Variants in TANK observed in about 807,000 individuals in gnomAD.
The protein encoded by TANK is TRAF family member-associated NF-kappa-B activator.
A neutral mutation model predicts 43.6 loss-of-function variants in TANK; 15 were observed. The ratio of observed to expected loss-of-function variants is 0.34; its 90% CI spans 0.23 to 0.53. The LOEUF (loss-of-function observed/expected upper bound fraction) is 0.53, where lower values mean the gene tolerates loss of function less well. Ranked by LOEUF, TANK falls within the 20% of genes least tolerant of loss-of-function variation. The probability of loss-of-function intolerance (pLI) is 0.94; values close to 1 mark genes in which losing one functional copy is unlikely to be tolerated. For missense variants in TANK, 417 were observed against 498.6 expected (o/e 0.84, Z 1.56); for synonymous variants, 162 against 178.2 (o/e 0.91, Z 0.73).
chr2:161,145,943 T>C (rs1219665733), intron 1 of TANK, among the ~76,000 whole-genome samples: 1 of 152,180 alleles, frequency 6.6e-6, no homozygotes, highest in African/African-American at 2.4e-5. Flanking sequence ...ATTCTCCCTG[T>C]CTTTTTCAGG....
At chr2:161,137,619 C>T (rs1291376178) in intron 1 of TANK, among the ~76,000 whole-genome samples, 1 of 152,020 alleles carries the variant, frequency 6.6e-6, no homozygotes, top group African/African-American at 2.4e-5. Context: ...AAAATGTATT[C>T]ATACTTTTTT....
chr2:161,200,264 G>T lies in TANK; in HGVS notation c.100-3223G>T, dbSNP rs187792174. 7 of 715,132 alleles carry T rather than the reference G, an allele frequency of 9.8e-6. No individual in the cohort carries two copies. The East Asian group carries it at 9.3e-4, about 95-fold the overall frequency. 44.3% of individuals were successfully genotyped at this position (715,132 alleles called of 1,614,324 possible). On this transcript the variant is annotated intron_variant, in intron 2 of 7. Transcript: ENST00000392749. ...GTTAGTGAGTTTTCTGTTTCGTGGG[G>T]TCTTTGATAGTGCTAGAATGTACTT...
At chr2:161,178,389 G>A (rs1033770769) in intron 1 of TANK, among the ~76,000 whole-genome samples, 6 of 151,478 alleles carry the variant, frequency 4.0e-5, no homozygotes, top group Non-Finnish European at 8.8e-5. Context: ...CTTTCTGAAA[G>A]AAGCCAGACA....
At chr2:161,208,941 T>C (rs1220700410) in intron 4 of TANK, among the ~76,000 whole-genome samples, 1 of 152,170 alleles carries the variant, frequency 6.6e-6, no homozygotes, top group Non-Finnish European at 1.5e-5. Flanking sequence ...TTCATAGATA[T>C]ATTTTAAAAG....
intron 1 of TANK, among the ~76,000 whole-genome samples, chr2:161,145,038 T>G (rs1683865003): frequency 6.6e-6 from 1 of 152,064 alleles, no homozygotes; most frequent in African/African-American, 2.4e-5. Flanking sequence ...ATTGATCCCT[T>G]TACCATTATG....
At chr2:161,141,983 TC>T (rs1241976213) in intron 1 of TANK, among the ~76,000 whole-genome samples, 1 of 152,102 alleles carries the variant, frequency 6.6e-6, no homozygotes, top group Non-Finnish European at 1.5e-5. Context: ...CAAAGCCTCG[TC>T]AGCATCTATT....
At chr2:161,183,754 A>G (rs1685533621) in intron 2 of TANK, among the ~76,000 whole-genome samples, 1 of 152,122 alleles carries the variant, frequency 6.6e-6, no homozygotes, top group Non-Finnish European at 1.5e-5. Flanking sequence ...GATTTATTTA[A>G]GAAACATTTA....
chr2:161,224,716 AGCAAACTTAATATACCAGACACT>A lies in TANK; in HGVS notation c.495_517del (p.Lys165AsnfsTer2), dbSNP rs1210231277. 3 of 1,578,992 alleles carry A rather than the reference AGCAAACTTAATATACCAGACACT, an allele frequency of 1.9e-6. No homozygotes were observed. Among genetic ancestry groups the A allele is most frequent in the Non-Finnish European group, 2.6e-6 (3 of 1,161,960 alleles). On this transcript the variant is annotated frameshift_variant, in exon 6 of 8. Coordinates refer to ENST00000392749, the MANE Select transcript of TANK (RefSeq NM_001199135.3). LOFTEE classifies it high-confidence loss of function. ...AGCAAAAGCACAGAAAGACCACTTA[AGCAAACTTAATATACCAGACACT>A]GCAACTGGTAAGATTTAATTTAATT...
chr2:161,216,186 C>T (rs1687107872), intron 4 of TANK, among the ~76,000 whole-genome samples: 1 of 152,108 alleles, frequency 6.6e-6, no homozygotes, highest in African/African-American at 2.4e-5. Flanking sequence ...GACTATTTAA[C>T]ATTAAAGACA....
intron 1 of TANK, among the ~76,000 whole-genome samples, chr2:161,179,326 T>C (rs1685314826): frequency 6.6e-6 from 1 of 152,192 alleles, no homozygotes; most frequent in African/African-American, 2.4e-5. Context: ...AATGGCCTTT[T>C]ATATTTTCTC....
intron 1 of TANK, among the ~76,000 whole-genome samples, chr2:161,176,588 C>G (rs1685183859): frequency 6.6e-6 from 1 of 152,096 alleles, no homozygotes; most frequent in Admixed American, 6.6e-5. Context: ...TTTTTAAAAA[C>G]AAGAATGCAC....
chr2:161,234,407 A>G (rs1351995644), intron 7 of TANK, among the ~76,000 whole-genome samples: 1 of 152,250 alleles, frequency 6.6e-6, no homozygotes, highest in African/African-American at 2.4e-5. Flanking sequence ...CTGTGTCCAC[A>G]TAAGAAATTT....
chr2:161,219,629 T>G, intron 4 of TANK: 1 of 363,474 alleles, frequency 2.8e-6, no homozygotes. Flanking sequence ...ATGTTTATTC[T>G]TATCAAATAT....
intron 6 of TANK, among the ~76,000 whole-genome samples, chr2:161,226,267 CA>C (rs1470565242): frequency 3.3e-5 from 5 of 152,128 alleles, no homozygotes; most frequent in Non-Finnish European, 7.4e-5. Flanking sequence ...TATTTAACTT[CA>C]ATTTCTTCTC....
intron 1 of TANK, among the ~76,000 whole-genome samples, chr2:161,172,341 G>A (rs1225095074): frequency 7.6e-6 from 1 of 131,346 alleles, no homozygotes; most frequent in African/African-American, 2.9e-5. Context: ...TTTCAAAAAT[G>A]TAGTTTTTTT....
intron 1 of TANK, among the ~76,000 whole-genome samples, chr2:161,173,946 A>G (rs1573983161): frequency 6.6e-6 from 1 of 152,296 alleles, no homozygotes; most frequent in East Asian, 1.9e-4. Flanking sequence ...AAAAGGTGAA[A>G]GGGAAAACTT....
intron 1 of TANK, chr2:161,161,376 CT>C: frequency 6.4e-7 from 1 of 1,550,780 alleles, no homozygotes; most frequent in Non-Finnish European, 8.7e-7. Flanking sequence ...AATGACCTGC[CT>C]TCTTACCGCG....
At chr2:161,160,378 G>C (rs1231769346), upstream of TANK, 2 of 1,212,992 alleles carry the variant, frequency 1.6e-6, no homozygotes, top group African/African-American at 3.1e-5. Flanking sequence ...GGCTCCGCGC[G>C]CAGGCACTGC....
intron 1 of TANK, among the ~76,000 whole-genome samples, chr2:161,162,106 A>G (rs1324193455): frequency 1.3e-5 from 2 of 152,188 alleles, no homozygotes; most frequent in Non-Finnish European, 2.9e-5. Context: ...TTCTCTCCCA[A>G]CTGACTAGAA....
Sources: gnomAD v4.1 joint callset for allele counts (sites outside exome capture counted in the v4.1 genomes callset) on GRCh38, gnomAD v4.1.1 for gene constraint, MANE v1.5 for transcripts, NCBI Gene and HGNC (gene_info 2026-07-23, HGNC 2026-07-21) for gene names.